The following PIAS1 variants were observed in gnomAD, a reference collection of about 807,000 sequenced individuals.
The protein encoded by PIAS1 is protein inhibitor of activated STAT 1, also known as E3 SUMO-protein ligase PIAS1.
A neutral mutation model predicts 71.3 loss-of-function variants in PIAS1; 6 were observed. That is an observed-to-expected ratio of 0.08 (90% CI 0.05 to 0.17). The LOEUF (loss-of-function observed/expected upper bound fraction) is 0.17, where lower values mean the gene tolerates loss of function less well. Ranked by LOEUF, PIAS1 falls within the 10% of genes least tolerant of loss-of-function variation. The pLI, the probability that PIAS1 is intolerant of heterozygous loss-of-function variation, is 1.00. For synonymous variants in PIAS1, 303 were observed against 292.9 expected (o/e 1.03, Z -0.35); for missense variants, 555 against 793.6 (o/e 0.70, Z 3.61).
At chr15:68,146,492 G>GT (rs1010102304) in intron 5 of PIAS1, 74 bp from the exon 6 acceptor site, 29 of 1,151,298 alleles carry the variant, frequency 2.5e-5, no homozygotes, top group African/African-American at 1.2e-4. Flanking sequence ...TTTGTAGGGG[G>GT]TTTTTTCTTA....
chr15:68,112,476 CTG>C (rs1394085949), intron 2 of PIAS1, among the ~76,000 whole-genome samples: 5 of 152,048 alleles, frequency 3.3e-5, no homozygotes, highest in Non-Finnish European at 5.9e-5. Flanking sequence ...GCCAAAGAAA[CTG>C]TTGTTATCTA....
At chr15:68,055,160 T>G (rs2091882464) in intron 1 of PIAS1, 2 of 980,098 alleles carry the variant, frequency 2.0e-6, no homozygotes, top group African/African-American at 3.5e-5. Flanking sequence ...TTGCCTTAGC[T>G]GGTGTGGAGG....
rs1428701761 is a variant in PIAS1 at position 68,141,854 on chromosome 15, GTTAA to G, written c.470-87_470-84del. ...TATCTAAACTCTAGAATATATACCA[GTTAA>G]TTAAAGACATGTGTGTTTTTTTTTT... On this transcript the variant is annotated intron_variant, in intron 2 of 13. Transcript: ENST00000249636. 5 of 739,108 alleles carry G rather than the reference GTTAA, an allele frequency of 6.8e-6. No homozygotes were observed. In the Admixed American group the frequency reaches 7.1e-5, roughly 11 times the overall value. The allele number at this position is 739,108 out of a possible 1,614,324, so 45.8% of individuals were successfully genotyped here.
intron 2 of PIAS1, among the ~76,000 whole-genome samples, chr15:68,107,807 A>C (rs1317091446): frequency 2.0e-5 from 3 of 151,974 alleles, no homozygotes; most frequent in Non-Finnish European, 2.9e-5. Context: ...AAAAAAAAAA[A>C]CTCTAAATAT....
intron 1 of PIAS1, among the ~76,000 whole-genome samples, chr15:68,056,614 TG>T (rs1301447216): frequency 2.0e-5 from 3 of 152,132 alleles, no homozygotes; most frequent in African/African-American, 7.2e-5. Context: ...TCTGAGACTT[TG>T]AGGAGCTGTG....
At chr15:68,072,686 C>T (rs182126515) in intron 1 of PIAS1, among the ~76,000 whole-genome samples, 3 of 152,186 alleles carry the variant, frequency 2.0e-5, no homozygotes, top group East Asian at 1.9e-4. Context: ...CAGTTGTTAC[C>T]GTCACTATTT....
At chr15:68,161,781 T>C (rs2092926195) in intron 7 of PIAS1, among the ~76,000 whole-genome samples, 1 of 151,846 alleles carries the variant, frequency 6.6e-6, no homozygotes, top group African/African-American at 2.4e-5. Context: ...ATACAAAAAT[T>C]AGCTGAGCCA....
At chr15:68,057,442 AAACT>A in intron 1 of PIAS1, 1 of 416,354 alleles carries the variant, frequency 2.4e-6, no homozygotes, top group Non-Finnish European at 4.7e-6. Context: ...TTTTGGAGTA[AAACT>A]CAAACCAAGT....
At position 68,059,179 on chromosome 15, in the gene PIAS1, G is replaced by A. The variant is rs868394940; in HGVS notation, c.24+4829G>A. On this transcript the variant is annotated intron_variant, in intron 1 of 13. Transcript: ENST00000249636. ...GCCACTACGCCCCGCTAATTTTTTTGTACGTTTTTAGTAGAGACGGCGTTT... is the reference window on the plus strand; with the variant it reads ...GCCACTACGCCCCGCTAATTTTTTTATACGTTTTTAGTAGAGACGGCGTTT... Among the ~76,000 whole-genome samples, 9 of 151,434 alleles carry A rather than the reference G, an allele frequency of 5.9e-5. 1 individual carries two copies. The highest frequency in any genetic ancestry group is 2.6e-4 in the Admixed American group (4 of 15,210).
At chr15:68,087,076 GTC>G (rs1444334368) in intron 2 of PIAS1, among the ~76,000 whole-genome samples, 1 of 152,246 alleles carries the variant, frequency 6.6e-6, no homozygotes, top group East Asian at 1.9e-4. Flanking sequence ...ATCACTACAA[GTC>G]TCTGATTAGT....
chr15:68,060,157 G>A (rs1301204606), intron 1 of PIAS1, among the ~76,000 whole-genome samples: 1 of 152,112 alleles, frequency 6.6e-6, no homozygotes, highest in African/African-American at 2.4e-5. Flanking sequence ...TCTATGAATA[G>A]TAGAATTTCA....
intron 12 of PIAS1, among the ~76,000 whole-genome samples, chr15:68,182,516 T>TGTGTGTGTGTGTGTGTGTGTGTG (rs10527857): frequency 6.7e-6 from 1 of 150,022 alleles, no homozygotes; most frequent in Non-Finnish European, 1.5e-5. Context: ...TGTGTGTGTG[T>TGTGTGTGTGTGTGTGTGTGTGTG]CGGAGTTTTG....
At chr15:68,058,256 TTGACTC>T (rs1288397202) in intron 1 of PIAS1, among the ~76,000 whole-genome samples, 2 of 152,276 alleles carry the variant, frequency 1.3e-5, no homozygotes, top group East Asian at 1.9e-4. Flanking sequence ...TCTGAAGTGT[TTGACTC>T]TGGCATGAAG....
At position 68,099,720 on chromosome 15, in the gene PIAS1, T is replaced by C. The variant is rs554301147; in HGVS notation, c.469+12970T>C. Among the ~76,000 whole-genome samples, 5 of 152,108 alleles carry C rather than the reference T, an allele frequency of 3.3e-5. No individual in the cohort carries two copies. In the East Asian group the frequency reaches 5.8e-4, roughly 18 times the overall value. On this transcript the variant is annotated intron_variant, in intron 2 of 13. Coordinates refer to ENST00000249636, the MANE Select transcript of PIAS1 (RefSeq NM_016166.3). ...ATACCAAGTTGTCTTCCTGAGTGGC[T>C]GTACCACTTTCTGTTTCTTCTGGTA...
At chr15:68,093,996 T>TGTG (rs2092353839) in intron 2 of PIAS1, among the ~76,000 whole-genome samples, 2 of 152,114 alleles carry the variant, frequency 1.3e-5, no homozygotes, top group Non-Finnish European at 2.9e-5. Context: ...ACCACATGGG[T>TGTG]GTCCTTCAAT....
At position 68,086,379 on chromosome 15, in the gene PIAS1, G is replaced by A. The variant is rs2092281719; in HGVS notation, c.98G>A (p.Arg33His). 2 of 1,613,334 alleles carry A rather than the reference G, an allele frequency of 1.2e-6. No homozygotes were observed. The highest frequency in any genetic ancestry group is 8.5e-7 in the Non-Finnish European group (1 of 1,179,646). ...LGYAGRNKHG[R>H]KHELLTKALH... The stretch of plus-strand genomic sequence containing the variant: ...TACGCCGGGAGAAACAAGCACGGAC[G>A]CAAACACGAACTTCTCACAAAAGCC... The change falls in exon 2 of 14, where the codon CGC (arginine) becomes CAC (histidine). Residue 33 changes from arginine to histidine, a missense_variant. Arg to His is a conservative substitution (Grantham distance 29). This residue lies in a region of PIAS1 where 48 missense variants were observed against 86.6 expected (regional missense o/e 0.55). Transcript: ENST00000249636. The surrounding 1 kb of genome is among the most constrained non-coding windows in gnomAD (Gnocchi z 7.2).
rs559203765 is a variant in PIAS1, at chr15:68,166,286, A to G, written c.1008+1482A>G. Among the ~76,000 whole-genome samples the G allele has an allele frequency of 8.5e-5, 13 of 152,060 alleles. No individual in the cohort carries two copies. In the East Asian group the frequency reaches 2.5e-3, roughly 29 times the overall value. On this transcript the variant is annotated intron_variant, in intron 8 of 13. Transcript: ENST00000249636. ...TTCTTTAAGTAACCAGGTAAATGTT[A>G]TAACAGCCTAGGTTGTAAAGGAGAC...
chr15:68,168,104 G>A (rs2092968287), intron 8 of PIAS1, among the ~76,000 whole-genome samples: 1 of 152,030 alleles, frequency 6.6e-6, no homozygotes, highest in Non-Finnish European at 1.5e-5. Flanking sequence ...CACTTCCTGG[G>A]TTCAAGCAAT....
chr15:68,176,155 C>A (rs1053173722), intron 10 of PIAS1, among the ~76,000 whole-genome samples: 1 of 151,996 alleles, frequency 6.6e-6, no homozygotes, highest in Admixed American at 6.6e-5. Flanking sequence ...AAAATGCTAT[C>A]ATCGTATTTA....
Sources: gnomAD v4.1 joint callset for allele counts (sites outside exome capture counted in the v4.1 genomes callset) on GRCh38, gnomAD v4.1.1 for gene constraint, gnomAD v4.1.1 regional missense constraint, Gnocchi (gnomAD v3.1) non-coding constraint, MANE v1.5 for transcripts, NCBI Gene and HGNC (gene_info 2026-07-23, HGNC 2026-07-21) for gene names.